ANO3: variants seen among roughly 807,000 people sequenced by gnomAD.
ANO3 encodes anoctamin-3.
A neutral mutation model predicts 144.8 loss-of-function variants in ANO3; 99 were observed. The observed-to-expected ratio is 0.68, with a 90% confidence interval of 0.58 to 0.81. The LOEUF (loss-of-function observed/expected upper bound fraction) is 0.81. Ranked by LOEUF, ANO3 falls within the 30% of genes least tolerant of loss-of-function variation. The pLI is 0.00. For synonymous variants in ANO3, 414 were observed against 392.6 expected, an observed-to-expected ratio of 1.05 and a Z score of -0.64; for missense variants, 905 against 1,202.2, an observed-to-expected ratio of 0.75 and a Z score of 3.66.
intron 5 of ANO3, among the ~76,000 whole-genome samples, chr11:26,511,423 A>C (rs921327486): frequency 2.6e-5 from 4 of 152,206 alleles, no homozygotes; most frequent in South Asian, 2.1e-4. Context: ...AACAAACAAA[A>C]AAAAATTTTT....
chr11:26,275,988 G>A (rs1296300326), intron 1 of ANO3, among the ~76,000 whole-genome samples: 1 of 152,106 alleles, frequency 6.6e-6, no homozygotes, highest in African/African-American at 2.4e-5. Context: ...TCACTGGTTT[G>A]GGGAAGATTA....
At chr11:26,268,027 G>A (rs1016264373) in intron 1 of ANO3, among the ~76,000 whole-genome samples, 2 of 152,028 alleles carry the variant, frequency 1.3e-5, no homozygotes, top group African/African-American at 2.4e-5. Context: ...CTGCAGAGTC[G>A]AGAAAATACC....
At chr11:26,593,839 T>G (rs1851526454) in intron 14 of ANO3, among the ~76,000 whole-genome samples, 3 of 152,182 alleles carry the variant, frequency 2.0e-5, no homozygotes, top group Admixed American at 2.0e-4. Flanking sequence ...GGGCCATGAC[T>G]AAAGCGGTGG....
intron 17 of ANO3, among the ~76,000 whole-genome samples, chr11:26,613,370 C>A (rs1256043273): frequency 6.6e-6 from 1 of 151,992 alleles, no homozygotes; most frequent in Non-Finnish European, 1.5e-5. Context: ...TATTGTATTT[C>A]TCATTCAGAT....
At chr11:26,358,364 G>T (rs1307158184) in intron 1 of ANO3, among the ~76,000 whole-genome samples, 1 of 151,956 alleles carries the variant, frequency 6.6e-6, no homozygotes, top group Non-Finnish European at 1.5e-5. Context: ...TAGAGACGGG[G>T]TTTCACCATG....
intron 1 of ANO3, among the ~76,000 whole-genome samples, chr11:26,214,787 C>A (rs750220070): frequency 2.2e-4 from 33 of 151,764 alleles, no homozygotes; most frequent in Non-Finnish European, 4.3e-4. Context: ...ATTCAGATTT[C>A]TTTAGTTATT....
chr11:26,289,369 A>T (rs1369451643), intron 1 of ANO3, among the ~76,000 whole-genome samples: 2 of 151,472 alleles, frequency 1.3e-5, no homozygotes, highest in African/African-American at 4.8e-5. Flanking sequence ...GATTGTGAAT[A>T]TAAGTAATTT....
chr11:26,305,920 G>A (rs1854369232), upstream of ANO3, among the ~76,000 whole-genome samples: 1 of 151,996 alleles, frequency 6.6e-6, no homozygotes, highest in South Asian at 2.1e-4. Flanking sequence ...AGCTGTAGGT[G>A]TGGGCTAAGA....
At chr11:26,375,893 T>C (rs1045592828) in intron 1 of ANO3, among the ~76,000 whole-genome samples, 1 of 152,010 alleles carries the variant, frequency 6.6e-6, no homozygotes, top group African/African-American at 2.4e-5. Context: ...GACTGAGAGA[T>C]TCAGAAGTTA....
At chr11:26,479,744 A>G (rs1217863304) in intron 4 of ANO3, among the ~76,000 whole-genome samples, 1 of 152,172 alleles carries the variant, frequency 6.6e-6, no homozygotes, top group Non-Finnish European at 1.5e-5. Context: ...TATATCATCT[A>G]TAATATATAT....
At chr11:26,541,799 C>A in intron 10 of ANO3, 148 bp from the exon 11 acceptor site, 1 of 573,972 alleles carries the variant, frequency 1.7e-6, no homozygotes, top group Non-Finnish European at 2.8e-6. Flanking sequence ...AGGCATCCAT[C>A]ACATCATTCC....
At chr11:26,629,789 G>A (rs191736505) in intron 18 of ANO3, among the ~76,000 whole-genome samples, 92 of 152,022 alleles carry the variant, frequency 6.1e-4, no homozygotes, top group African/African-American at 2.0e-3. Flanking sequence ...GCACCTCCAC[G>A]CCTGGCTAAT....
In ANO3 at chr11:26,627,436, G is replaced by C. The variant is rs112995685; in HGVS notation, c.1873+2938G>C. Among the ~76,000 whole-genome samples the C allele has an allele frequency of 2.2e-3, 334 of 151,956 alleles. 1 individual carries two copies. The highest frequency in any genetic ancestry group is 7.7e-3 in the African/African-American group (320 of 41,440). On this transcript the variant is annotated intron_variant, in intron 18 of 26. Transcript: ENST00000256737. ...ATTTCACCATTGTTGTAGATTGGCT[G>C]CCTGACACATGACAAGTGTACAATA...
At chr11:26,637,418 G>C (rs1277784389) in intron 20 of ANO3, among the ~76,000 whole-genome samples, 2 of 152,094 alleles carry the variant, frequency 1.3e-5, no homozygotes, top group African/African-American at 4.8e-5. Flanking sequence ...CAATGGATTG[G>C]GGAAATGGGG....
At chr11:26,317,265 C>T (rs1221274038) in intron 1 of ANO3, among the ~76,000 whole-genome samples, 2 of 151,676 alleles carry the variant, frequency 1.3e-5, no homozygotes, top group African/African-American at 4.8e-5. Context: ...TCCTACAATC[C>T]AGGCTGTTTT....
intron 4 of ANO3, among the ~76,000 whole-genome samples, chr11:26,493,782 C>A (rs1325315665): frequency 6.6e-6 from 1 of 152,062 alleles, no homozygotes; most frequent in African/African-American, 2.4e-5. Flanking sequence ...TGTTTGCAGC[C>A]CTCAGGGACT....
intron 4 of ANO3, among the ~76,000 whole-genome samples, chr11:26,485,676 G>A (rs1860417273): frequency 6.6e-6 from 1 of 151,934 alleles, no homozygotes; most frequent in Non-Finnish European, 1.5e-5. Context: ...ATTCCCATTC[G>A]TGTCCTTTGC....
intron 1 of ANO3, among the ~76,000 whole-genome samples, chr11:26,213,676 C>T (rs1018999740): frequency 2.0e-5 from 3 of 152,006 alleles, no homozygotes; most frequent in Non-Finnish European, 2.9e-5. Context: ...TAGGAAGAAC[C>T]AATATCATGA....
At chr11:26,435,579 G>A (rs775424932) in intron 1 of ANO3, among the ~76,000 whole-genome samples, 4 of 152,116 alleles carry the variant, frequency 2.6e-5, no homozygotes, top group African/African-American at 4.8e-5. Context: ...ATTTATCAGA[G>A]GTTTTGTTCA....
Sources: gnomAD v4.1 joint callset for allele counts (sites outside exome capture counted in the v4.1 genomes callset) on GRCh38, gnomAD v4.1.1 for gene constraint, MANE v1.5 for transcripts, NCBI Gene and HGNC (gene_info 2026-07-23, HGNC 2026-07-21) for gene names.